Variants in IL1RAPL2 observed in about 807,000 individuals in gnomAD.
IL1RAPL2 encodes interleukin 1 receptor accessory protein like 2, also known as X-linked interleukin-1 receptor accessory protein-like 2.
A neutral mutation model predicts 44.1 loss-of-function variants in IL1RAPL2; 3 were observed. The ratio of observed to expected loss-of-function variants is 0.07; its 90% confidence interval spans 0.03 to 0.18. The LOEUF (loss-of-function observed/expected upper bound fraction) is 0.18, where lower values mean the gene tolerates loss of function less well. IL1RAPL2 is among the 10% of genes least tolerant of loss of function. IL1RAPL2 has a pLI of 1.00. For missense variants in IL1RAPL2, 391 were observed against 496.4 expected, an observed-to-expected ratio of 0.79 and a Z score of 2.02; for synonymous variants, 181 against 178.8, an observed-to-expected ratio of 1.01 and a Z score of -0.10.
rs782240655 is a variant in IL1RAPL2 at position 105,233,986 on chromosome X, T to A, written c.525T>A (p.Pro175=). The A allele has an allele frequency of 3.3e-6, 4 of 1,205,705 alleles. No homozygotes were observed. The Admixed American group carries it at 8.8e-5, about 27-fold the overall frequency. Residue 175 remains proline, a synonymous_variant, in exon 4 of 11, where the codon CCT becomes CCA. Transcript: ENST00000372582. ...MDDFKKSDQE[P]DVVWYKECKP... is the part of the protein sequence containing the mutation. ...ACTTTAAAAAGTCCGATCAGGAGCC[T>A]GATGTTGTGTGGTATAAGGTAACTC...
intron 6 of IL1RAPL2, among the ~76,000 whole-genome samples, chrX:105,522,982 G>A (rs1167362412): frequency 9.0e-6 from 1 of 111,162 alleles, no homozygotes; most frequent in Non-Finnish European, 1.9e-5. Flanking sequence ...TGCTTGGCTA[G>A]AAACAGCAGG....
chrX:105,760,894 C>G (rs1335181789), intron 10 of IL1RAPL2, among the ~76,000 whole-genome samples: 3 of 111,290 alleles, frequency 2.7e-5, no homozygotes, highest in Admixed American at 1.9e-4. Context: ...TAGAAAGGCT[C>G]CCAGCCAGGC....
chrX:104,802,856 C>T (rs1177733681), intron 2 of IL1RAPL2, among the ~76,000 whole-genome samples: 1 of 110,774 alleles, frequency 9.0e-6, no homozygotes, highest in African/African-American at 3.3e-5. Flanking sequence ...TCTAACTCTC[C>T]CATTTCTACC....
At chrX:105,488,400 A>C (rs1254635539) in intron 6 of IL1RAPL2, among the ~76,000 whole-genome samples, 1 of 111,948 alleles carries the variant, frequency 8.9e-6, no homozygotes, top group Admixed American at 9.5e-5. Context: ...CACCAATATA[A>C]GTGAAGAAGA....
chrX:105,114,739 C>T (rs1851946313), intron 2 of IL1RAPL2, among the ~76,000 whole-genome samples: 1 of 111,818 alleles, frequency 8.9e-6, no homozygotes, highest in Admixed American at 9.5e-5. Flanking sequence ...ATGAATCATA[C>T]CTGCTCAGTC....
At chrX:104,914,964 A>T (rs762269626) in intron 2 of IL1RAPL2, among the ~76,000 whole-genome samples, 33 of 111,692 alleles carry the variant, frequency 3.0e-4, no homozygotes, top group Non-Finnish European at 4.7e-4. Context: ...CCAGTCTATC[A>T]TAGTTGGACA....
intron 6 of IL1RAPL2, among the ~76,000 whole-genome samples, chrX:105,510,136 C>A (rs768987333): frequency 2.7e-5 from 3 of 111,225 alleles, no homozygotes; most frequent in Non-Finnish European, 3.8e-5. Context: ...TGTGATGGTG[C>A]CACTCTAGCC....
intron 6 of IL1RAPL2, among the ~76,000 whole-genome samples, chrX:105,671,239 G>T (rs773011543): frequency 8.9e-6 from 1 of 112,157 alleles, no homozygotes; most frequent in South Asian, 3.6e-4. Context: ...GAGCCACCAC[G>T]CCTGGCTGGT....
chrX:105,179,077 T>G (rs1438105949), intron 2 of IL1RAPL2, among the ~76,000 whole-genome samples: 1 of 112,192 alleles, frequency 8.9e-6, no homozygotes, highest in Admixed American at 9.5e-5. Flanking sequence ...CCTAGACTAA[T>G]GCCCAGGAGA....
chrX:105,236,568 A>G (rs1422669131), intron 4 of IL1RAPL2, among the ~76,000 whole-genome samples: 2 of 111,698 alleles, frequency 1.8e-5, no homozygotes, highest in Non-Finnish European at 3.8e-5. Flanking sequence ...GCAAAAGTCA[A>G]CAGTAGTTTG....
chrX:104,616,306 C>A (rs915460614), intron 1 of IL1RAPL2, among the ~76,000 whole-genome samples: 4 of 112,275 alleles, frequency 3.6e-5, no homozygotes, highest in Non-Finnish European at 5.6e-5. Context: ...ATAGATCTAA[C>A]TTAATCAACT....
intron 1 of IL1RAPL2, among the ~76,000 whole-genome samples, chrX:104,592,145 A>ATGTGTGTGTGTGTGTGTGTGTG: frequency 1.7e-5 from 1 of 60,216 alleles, no homozygotes; most frequent in South Asian, 1.3e-3. Flanking sequence ...ATGCCCGTAT[A>ATGTGTGTGTGTGTGTGTGTGTG]TGTGTGTGTG....
intron 5 of IL1RAPL2, among the ~76,000 whole-genome samples, chrX:105,454,384 G>A (rs1484259349): frequency 9.0e-6 from 1 of 111,534 alleles, no homozygotes; most frequent in Non-Finnish European, 1.9e-5. Flanking sequence ...AAGAGCCCCT[G>A]TATCTCCATA....
chrX:104,987,362 T>A (rs2030580878), intron 2 of IL1RAPL2, among the ~76,000 whole-genome samples: 1 of 109,899 alleles, frequency 9.1e-6, no homozygotes, highest in African/African-American at 3.3e-5. Context: ...AGTAACTTAT[T>A]TATTTGGAAT....
chrX:105,086,858 G>T (rs1021692295), intron 2 of IL1RAPL2, among the ~76,000 whole-genome samples: 2 of 110,077 alleles, frequency 1.8e-5, no homozygotes, highest in Non-Finnish European at 3.8e-5. Context: ...ATCATATTAC[G>T]CAGTGCAGAT....
intron 2 of IL1RAPL2, among the ~76,000 whole-genome samples, chrX:105,162,786 G>A (rs1475975160): frequency 1.8e-5 from 2 of 111,277 alleles, no homozygotes; most frequent in Non-Finnish European, 3.8e-5. Context: ...TCTAGAGGCT[G>A]AGAAGTAAGA....
At chrX:105,467,078 G>A (rs1182796668) in intron 5 of IL1RAPL2, among the ~76,000 whole-genome samples, 2 of 111,528 alleles carry the variant, frequency 1.8e-5, no homozygotes, top group Non-Finnish European at 3.8e-5. Flanking sequence ...CAACACTACT[G>A]TATTGGGGAC....
intron 6 of IL1RAPL2, among the ~76,000 whole-genome samples, chrX:105,547,186 C>T (rs755949383): frequency 8.9e-6 from 1 of 112,411 alleles, no homozygotes; most frequent in African/African-American, 3.2e-5. Flanking sequence ...ATAATGTGAG[C>T]TTTAAGTACA....
intron 2 of IL1RAPL2, among the ~76,000 whole-genome samples, chrX:104,764,051 C>T (rs1278650578): frequency 1.8e-5 from 2 of 111,486 alleles, no homozygotes; most frequent in African/African-American, 6.5e-5. Context: ...TGGGTCTTCT[C>T]TGGTTCCATA....
Sources: gnomAD v4.1 joint callset for allele counts (sites outside exome capture counted in the v4.1 genomes callset) on GRCh38, gnomAD v4.1.1 for gene constraint, MANE v1.5 for transcripts, NCBI Gene and HGNC (gene_info 2026-07-23, HGNC 2026-07-21) for gene names.